Variants in ASXL1 observed in about 807,000 individuals in gnomAD.
ASXL1 encodes the protein ASXL transcriptional regulator 1.
A neutral mutation model predicts 89.1 loss-of-function variants in ASXL1; 65 were observed. The observed-to-expected ratio is 0.73, with a 90% CI of 0.60 to 0.90. The LOEUF (loss-of-function observed/expected upper bound fraction) is 0.90. Ranked by LOEUF, ASXL1 falls within the 40% of genes least tolerant of loss-of-function variation. The pLI, the probability that ASXL1 is intolerant of heterozygous loss-of-function variation, is 0.00. For missense variants in ASXL1, 1,786 were observed against 1,942.9 expected, an observed-to-expected ratio of 0.92 and a Z score of 1.52; for synonymous variants, 739 against 746.9, an observed-to-expected ratio of 0.99 and a Z score of 0.17.
At chr20:32,370,621 T>G (rs1430163049) in intron 4 of ASXL1, among the ~76,000 whole-genome samples, 1 of 152,140 alleles carries the variant, frequency 6.6e-6, no homozygotes, top group Non-Finnish European at 1.5e-5. Flanking sequence ...ACTTTTTCCT[T>G]TAAGTTTTGT....
intron 4 of ASXL1, among the ~76,000 whole-genome samples, chr20:32,418,571 A>G (rs1310526132): frequency 2.0e-5 from 3 of 152,082 alleles, no homozygotes; most frequent in Non-Finnish European, 4.4e-5. Flanking sequence ...CCATCACCCC[A>G]AAAGGAAACC....
In ASXL1 at chr20:32,436,530, G is replaced by T; in HGVS notation, c.3818G>T (p.Arg1273Leu). Residue 1273 changes from arginine to leucine, a missense_variant, in exon 13 of 13, where the codon CGT becomes CTT. Physicochemically the swap from Arg to Leu is moderately radical, Grantham distance 102. Around this residue, in one of 3 missense-constraint regions of ASXL1, gnomAD observed 1,418 missense variants for 1,427.8 expected, o/e 0.99. Transcript: ENST00000375687. ...GATCTTACTACCTCGAGAACACCTC[G>T]TTTCTCATCTCCAAATGTGATCTCC... ...PGDLTTSRTP[R>L]FSSPNVISFG... is the part of the protein sequence containing the mutation. 1 of 1,614,212 alleles carries T rather than the reference G, an allele frequency of 6.2e-7. No homozygotes were observed. The highest frequency in any genetic ancestry group is 8.5e-7 in the Non-Finnish European group (1 of 1,180,032).
intron 2 of ASXL1, 45 bp from the exon 3 acceptor site, chr20:32,367,682 C>A: frequency 1.3e-6 from 1 of 780,476 alleles, no homozygotes. Context: ...GGCTATTTCC[C>A]ATCATGCTGC....
At chr20:32,394,105 C>T (rs1276797683) in intron 4 of ASXL1, among the ~76,000 whole-genome samples, 1 of 150,494 alleles carries the variant, frequency 6.6e-6, no homozygotes, top group African/African-American at 2.5e-5. Context: ...TGGGTTCAAG[C>T]GATACTCCTG....
At chr20:32,415,096 C>T (rs911542309) in intron 4 of ASXL1, among the ~76,000 whole-genome samples, 2 of 152,108 alleles carry the variant, frequency 1.3e-5, no homozygotes, top group Non-Finnish European at 2.9e-5. Context: ...GCAACCTCTA[C>T]CTCCTGGGTT....
At chr20:32,369,225 C>G (rs1440852827) in intron 4 of ASXL1, 102 bp downstream of exon 4, 1 of 1,091,252 alleles carries the variant, frequency 9.2e-7, no homozygotes, top group African/African-American at 1.5e-5. Flanking sequence ...ATTTGCATTT[C>G]TCATATGCAG....
chr20:32,382,850 T>C (rs79766536), intron 4 of ASXL1, among the ~76,000 whole-genome samples: 408 of 152,268 alleles, frequency 2.7e-3, no homozygotes, highest in African/African-American at 9.0e-3. Flanking sequence ...TAATAACTTA[T>C]GTAGTCTGTG....
intron 2 of ASXL1, among the ~76,000 whole-genome samples, chr20:32,366,984 C>T (rs1479845872): frequency 6.6e-6 from 1 of 151,602 alleles, no homozygotes; most frequent in African/African-American, 2.4e-5. Flanking sequence ...TGTAGTTTTC[C>T]TGGAGAAGTA....
chr20:32,437,703 G>T lies in ASXL1; in HGVS notation c.*365G>T. On this transcript the variant is annotated 3_prime_UTR_variant, in exon 13 of 13. Coordinates refer to ENST00000375687, the MANE Select transcript of ASXL1 (RefSeq NM_015338.6). ...CTCCACCAAGGGAGTTAACCTACCT[G>T]AACTAAGTAGAAATGCCAGTCTTCC... 2.9e-6 allele frequency: 1 copy of T among 341,956 alleles called. No individual in the cohort carries two copies. The highest frequency in any genetic ancestry group is 4.8e-5 in the East Asian group (1 of 20,792). 21.2% of individuals were successfully genotyped at this position (341,956 alleles called of 1,614,324 possible).
intron 1 of ASXL1, among the ~76,000 whole-genome samples, chr20:32,361,181 C>T (rs1304581642): frequency 6.6e-6 from 1 of 152,188 alleles, no homozygotes; most frequent in Admixed American, 6.5e-5. Flanking sequence ...CCGGTCTCTA[C>T]AACAACAGCA....
chr20:32,413,038 T>G (rs2049077529), intron 4 of ASXL1, among the ~76,000 whole-genome samples: 1 of 152,170 alleles, frequency 6.6e-6, no homozygotes, highest in African/African-American at 2.4e-5. Context: ...GGTTATACTT[T>G]GATACATCAA....
intron 4 of ASXL1, among the ~76,000 whole-genome samples, chr20:32,380,485 C>T (rs556463362): frequency 3.4e-4 from 51 of 152,136 alleles, no homozygotes; most frequent in Non-Finnish European, 5.3e-4. Context: ...GGTGTGGTGT[C>T]TTACGCCTGT....
At chr20:32,430,097 C>A (rs776697085) in intron 8 of ASXL1, 44 bp downstream of exon 8, 1 of 1,590,366 alleles carries the variant, frequency 6.3e-7, no homozygotes. Flanking sequence ...AAGGGGGCCC[C>A]TGCAGGCCTA....
Position 32,437,349 on chromosome 20 carries a change from C to A in ASXL1, c.*11C>A. The A allele has an allele frequency of 6.2e-7, 1 of 1,612,244 alleles. No individual in the cohort carries two copies. The highest frequency in any genetic ancestry group is 8.5e-7 in the Non-Finnish European group (1 of 1,178,492). ...CTTGTGGTGAGATAATAAATTATGGCCATGGGAAACATTGTATATTTAGTG... is the reference window on the plus strand; with the variant it reads ...CTTGTGGTGAGATAATAAATTATGGACATGGGAAACATTGTATATTTAGTG... On this transcript the variant is annotated 3_prime_UTR_variant, in exon 13 of 13. Transcript: ENST00000375687.
intron 2 of ASXL1, 136 bp from the exon 3 acceptor site, chr20:32,367,591 G>T: frequency 1.4e-6 from 1 of 691,232 alleles, no homozygotes; most frequent in South Asian, 1.6e-5. Context: ...AGGGAAGATT[G>T]AGATTGTCTA....
intron 4 of ASXL1, among the ~76,000 whole-genome samples, chr20:32,396,096 G>T (rs1368659402): frequency 6.6e-6 from 1 of 152,140 alleles, no homozygotes; most frequent in South Asian, 2.1e-4. Context: ...ACCACACCTG[G>T]TTTGTTTCTT....
At chr20:32,401,591 C>G (rs952600647) in intron 4 of ASXL1, among the ~76,000 whole-genome samples, 1 of 130,848 alleles carries the variant, frequency 7.6e-6, no homozygotes. Flanking sequence ...GTCTCACTCT[C>G]GTCACCCAGA....
Position 32,360,090 on chromosome 20 carries a change from T to C in ASXL1, c.57+1258T>C, listed in dbSNP as rs1259228687. 7.2e-6 allele frequency: 3 copies of C among 414,338 alleles called. No homozygotes were observed. The East Asian group carries it at 1.3e-4, about 18-fold the overall frequency. The allele number at this position is 414,338 out of a possible 1,614,324, so 25.7% of individuals were successfully genotyped here. A position where few individuals can be genotyped will look rare whatever the true frequency, so the allele number is the denominator to read the frequency against. ...GCAAAAAAAAAAAAAATAGACTGTA[T>C]TGGGGGGGTTGACACAAACCTGAAG... On this transcript the variant is annotated intron_variant, in intron 1 of 12. Coordinates refer to ENST00000375687, the MANE Select transcript of ASXL1 (RefSeq NM_015338.6).
intron 1 of ASXL1, chr20:32,359,054 C>T (rs1373030764): frequency 3.3e-6 from 2 of 610,272 alleles, no homozygotes; most frequent in East Asian, 2.8e-5. Context: ...CCCCCCCCGC[C>T]CCGCGCAGCT....
Sources: gnomAD v4.1 joint callset for allele counts (sites outside exome capture counted in the v4.1 genomes callset) on GRCh38, gnomAD v4.1.1 for gene constraint, gnomAD v4.1.1 regional missense constraint, MANE v1.5 for transcripts, NCBI Gene and HGNC (gene_info 2026-07-23, HGNC 2026-07-21) for gene names.